LRP1B: variants seen among roughly 807,000 people sequenced by gnomAD.
LRP1B encodes low-density lipoprotein receptor-related protein 1B.
Under a neutral mutation model 556.6 loss-of-function variants are expected in LRP1B, and 217 were observed. That is an observed-to-expected ratio of 0.39 (90% confidence interval 0.35 to 0.44). The LOEUF is 0.44. Among genes scored for constraint, LRP1B ranks in the 20% least tolerant of loss-of-function variants. The pLI, the probability that LRP1B is intolerant of heterozygous loss-of-function variation, is 1.00. For synonymous variants in LRP1B, 2,047 were observed against 1,865.8 expected, an observed-to-expected ratio of 1.10 and a Z score of -2.50; for missense variants, 5,053 against 5,620.8, an observed-to-expected ratio of 0.90 and a Z score of 3.23.
chr2:140,237,493 A>G (rs929125054), intron 89 of LRP1B, among the ~76,000 whole-genome samples: 4 of 150,896 alleles, frequency 2.7e-5, no homozygotes, highest in Non-Finnish European at 5.9e-5. Context: ...CTTATTATGT[A>G]TCAATTAAAA....
At chr2:140,893,731 T>C (rs993546040) in intron 23 of LRP1B, among the ~76,000 whole-genome samples, 4 of 152,152 alleles carry the variant, frequency 2.6e-5, no homozygotes, top group African/African-American at 9.7e-5. Context: ...TGTAAAGGAT[T>C]CAAATTTCCA....
intron 41 of LRP1B, among the ~76,000 whole-genome samples, chr2:140,629,397 C>T (rs1292088959): frequency 6.6e-6 from 1 of 152,036 alleles, no homozygotes; most frequent in African/African-American, 2.4e-5. Flanking sequence ...AATTCCAGAA[C>T]AGACTAATAC....
At chr2:141,150,976 C>T (rs1339558030) in intron 7 of LRP1B, among the ~76,000 whole-genome samples, 1 of 149,962 alleles carries the variant, frequency 6.7e-6, no homozygotes, top group Non-Finnish European at 1.5e-5. Flanking sequence ...TGTCATCAGT[C>T]ATTAAGTCAT....
At chr2:141,942,288 G>A (rs1410251556) in intron 1 of LRP1B, among the ~76,000 whole-genome samples, 4 of 152,152 alleles carry the variant, frequency 2.6e-5, no homozygotes, top group African/African-American at 9.7e-5. Context: ...GCTCAATGAA[G>A]TAAATAGTTA....
chr2:141,474,573 A>G (rs963413159), intron 3 of LRP1B, among the ~76,000 whole-genome samples: 7 of 152,236 alleles, frequency 4.6e-5, no homozygotes, highest in Admixed American at 1.3e-4. Flanking sequence ...ATGCAATTGC[A>G]TATATTAGGA....
chr2:140,969,609 T>C (rs1194179201), intron 18 of LRP1B, among the ~76,000 whole-genome samples: 9 of 152,234 alleles, frequency 5.9e-5, no homozygotes, highest in Non-Finnish European at 1.3e-4. Context: ...ATGCAGTTTC[T>C]TCCTAGCATC....
At chr2:141,681,398 G>A (rs1479264486) in intron 2 of LRP1B, among the ~76,000 whole-genome samples, 1 of 151,946 alleles carries the variant, frequency 6.6e-6, no homozygotes, top group Non-Finnish European at 1.5e-5. Flanking sequence ...TGAGAACCTG[G>A]CTAACACAAC....
chr2:141,887,893 AAAG>A (rs1410476322), intron 1 of LRP1B, among the ~76,000 whole-genome samples: 1 of 152,240 alleles, frequency 6.6e-6, no homozygotes, highest in Non-Finnish European at 1.5e-5. Flanking sequence ...AAAAACTATG[AAAG>A]AATAATAATG....
chr2:141,047,707 C>T lies in LRP1B; in HGVS notation c.1789+1279G>A, dbSNP rs147596068. Among the ~76,000 whole-genome samples, 535 of 152,172 alleles carry T rather than the reference C, an allele frequency of 3.5e-3. 1 individual carries two copies. Among genetic ancestry groups the T allele is most frequent in the African/African-American group, 0.011 (467 of 41,514 alleles). ...AGCGCATTTTAGTGCCTTTCACTTT[C>T]GACTCTCTTGTGCCATTATTATCTG... is the stretch of plus-strand genomic sequence containing the variant. On this transcript the variant is annotated intron_variant, in intron 11 of 90. Coordinates refer to ENST00000389484, the MANE Select transcript of LRP1B (RefSeq NM_018557.3).
intron 35 of LRP1B, among the ~76,000 whole-genome samples, chr2:140,763,071 A>C (rs1464095910): frequency 6.6e-6 from 1 of 152,146 alleles, no homozygotes; most frequent in Admixed American, 6.6e-5. Flanking sequence ...TAATTTGAAA[A>C]ATATAAAATA....
chr2:141,762,277 A>C (rs1347196133), intron 2 of LRP1B, among the ~76,000 whole-genome samples: 2 of 151,948 alleles, frequency 1.3e-5, no homozygotes, highest in African/African-American at 4.8e-5. Context: ...GCAGGGAAAA[A>C]AAATGAATGA....
At chr2:142,067,940 C>G (rs1296676321) in intron 1 of LRP1B, among the ~76,000 whole-genome samples, 1 of 151,490 alleles carries the variant, frequency 6.6e-6, no homozygotes, top group East Asian at 1.9e-4. Flanking sequence ...TAGGTATTAG[C>G]ATAATCTTTG....
At chr2:141,079,140 T>C (rs1699863733) in intron 7 of LRP1B, among the ~76,000 whole-genome samples, 1 of 152,170 alleles carries the variant, frequency 6.6e-6, no homozygotes, top group Non-Finnish European at 1.5e-5. Context: ...ATTTTGACCA[T>C]CATTTGCAAG....
rs1032579310 is a variant in LRP1B at position 141,575,331 on chromosome 2, G to A, written c.206-94798C>T. ...ACACATCTGTAACCATCTGATCTTCGACAAACCCGACAAAAACAAACAATG... is the reference window on the plus strand; with the variant it reads ...ACACATCTGTAACCATCTGATCTTCAACAAACCCGACAAAAACAAACAATG... On this transcript the variant is annotated intron_variant, in intron 2 of 90. Coordinates refer to ENST00000389484, the MANE Select transcript of LRP1B (RefSeq NM_018557.3). Among the ~76,000 whole-genome samples, 13 of 152,098 alleles carry A rather than the reference G, an allele frequency of 8.5e-5. No individual in the cohort carries two copies. The East Asian group carries it at 1.5e-3, about 18-fold the overall frequency.
At chr2:140,866,295 A>AT (rs1692949249) in intron 27 of LRP1B, among the ~76,000 whole-genome samples, 1 of 152,072 alleles carries the variant, frequency 6.6e-6, no homozygotes, top group Non-Finnish European at 1.5e-5. Context: ...AGAGAAGCGT[A>AT]TTTTTTCATT....
chr2:140,960,557 C>T (rs901834081), intron 18 of LRP1B, among the ~76,000 whole-genome samples: 13 of 151,338 alleles, frequency 8.6e-5, no homozygotes, highest in African/African-American at 2.7e-4. Flanking sequence ...ATAGAAAGAA[C>T]GTTAAAAAAA....
intron 45 of LRP1B, among the ~76,000 whole-genome samples, 191 bp from the exon 46 acceptor site, chr2:140,536,900 G>A (rs940564574): frequency 2.6e-5 from 4 of 151,240 alleles, no homozygotes; most frequent in Admixed American, 6.6e-5. Context: ...TTGGCCAGGC[G>A]CGGTGGCTCA....
chr2:141,396,624 T>C (rs1690245237), intron 3 of LRP1B, among the ~76,000 whole-genome samples: 1 of 152,152 alleles, frequency 6.6e-6, no homozygotes. Context: ...ATTTCAGGAA[T>C]AAAATTGTAG....
At chr2:141,423,029 G>A (rs1411866653) in intron 3 of LRP1B, among the ~76,000 whole-genome samples, 1 of 152,140 alleles carries the variant, frequency 6.6e-6, no homozygotes, top group African/African-American at 2.4e-5. Context: ...TTTATGACAG[G>A]AAATACGAAA....
Sources: allele counts gnomAD v4.1 joint callset (sites outside exome capture counted in the v4.1 genomes callset), GRCh38; gene constraint gnomAD v4.1.1; transcripts MANE v1.5; gene names NCBI Gene and HGNC (gene_info 2026-07-23, HGNC 2026-07-21).